DYRK4: variants seen among roughly 807,000 people sequenced by gnomAD.
DYRK4 encodes the protein dual specificity tyrosine-phosphorylation-regulated kinase 4.
In DYRK4, 64 loss-of-function variants were observed where a neutral mutation model predicts 68.3. The ratio of observed to expected loss-of-function variants is 0.94; its 90% CI spans 0.77 to 1.15. The LOEUF (loss-of-function observed/expected upper bound fraction) is 1.15, where lower values mean the gene tolerates loss of function less well. DYRK4 is among the 50% of genes most tolerant of loss of function. The pLI is 0.00. For synonymous variants in DYRK4, 274 were observed against 289.9 expected (o/e 0.95, Z 0.56); for missense variants, 740 against 764.7 (o/e 0.97, Z 0.38).
intron 3 of DYRK4, among the ~76,000 whole-genome samples, chr12:4,589,622 C>T (rs1591796411): frequency 6.6e-6 from 1 of 152,336 alleles, no homozygotes; most frequent in East Asian, 1.9e-4. Flanking sequence ...GCATAATGAT[C>T]TCTAGTTCTA....
At chr12:4,590,055 A>G in intron 3 of DYRK4, 1 of 979,872 alleles carries the variant, frequency 1.0e-6, no homozygotes, top group Non-Finnish European at 1.3e-6. Flanking sequence ...GTGATGAAAT[A>G]ATTGAGGTTT....
chr12:4,607,095 G>C (rs1407989047), intron 11 of DYRK4, among the ~76,000 whole-genome samples: 1 of 152,218 alleles, frequency 6.6e-6, no homozygotes, highest in East Asian at 1.9e-4. Context: ...TGGTGCTGAT[G>C]TTTGTGTAGA....
intron 11 of DYRK4, among the ~76,000 whole-genome samples, chr12:4,605,505 C>T (rs1945134631): frequency 6.6e-6 from 1 of 151,908 alleles, no homozygotes; most frequent in Admixed American, 6.6e-5. Context: ...TTTTCTACTT[C>T]CTCTATGGAA....
intron 8 of DYRK4, among the ~76,000 whole-genome samples, chr12:4,597,396 C>T (rs969429355): frequency 6.6e-6 from 1 of 152,222 alleles, no homozygotes; most frequent in African/African-American, 2.4e-5. Flanking sequence ...TAGCTCACTG[C>T]CCCCATGACA....
chr12:4,613,560 C>G lies in DYRK4; in HGVS notation c.1712C>G (p.Thr571Arg), dbSNP rs749869548. 6.2e-7 allele frequency: 1 copy of G among 1,613,964 alleles called. No homozygotes were observed. The highest frequency in any genetic ancestry group is 1.3e-5 in the African/African-American group (1 of 74,930). Reference protein sequence around the residue: ...ETTEKTKDSPTKHVQHSGDQQ... With the variant: ...ETTEKTKDSPRKHVQHSGDQQ... ...ACAGAGAAAACAAAAGATAGCCCCA[C>G]GAAGCATGTTCAGCATTCAGGTGAT... The change falls in exon 15 of 15, where the codon ACG becomes AGG. Residue 571 changes from threonine (T) to arginine (R), a missense_variant. Physicochemically the swap from Thr to Arg is moderately conservative, Grantham distance 71. Coordinates refer to ENST00000543431, the MANE Select transcript of DYRK4 (RefSeq NM_001394779.1). This position sits in a 1 kb window ranked among gnomAD's most constrained non-coding sequence, Gnocchi z 4.0.
intron 11 of DYRK4, among the ~76,000 whole-genome samples, chr12:4,606,096 A>C (rs1945146606): frequency 6.6e-6 from 1 of 152,244 alleles, no homozygotes; most frequent in African/African-American, 2.4e-5. Context: ...ACTATCTCCT[A>C]ATAGCAAGGC....
intron 10 of DYRK4, chr12:4,602,473 A>C (rs1945092523): frequency 7.7e-7 from 1 of 1,297,530 alleles, no homozygotes; most frequent in East Asian, 2.3e-5. Context: ...CTTTACTTCG[A>C]TCTGAGATGG....
chr12:4,604,739 G>A, intron 10 of DYRK4, 175 bp from the exon 11 acceptor site: 1 of 328,700 alleles, frequency 3.0e-6, no homozygotes. Flanking sequence ...TTATAATCAG[G>A]TTGCTGGCGG....
At chr12:4,563,325 C>T (rs933202721) in intron 1 of DYRK4, 7 of 367,810 alleles carry the variant, frequency 1.9e-5, no homozygotes, top group Non-Finnish European at 3.7e-5. Flanking sequence ...AGCAATATGC[C>T]AGCCACTCTT....
In DYRK4 at chr12:4,562,268, T is replaced by A. The variant is rs1041726936; in HGVS notation, c.23T>A (p.Ile8Asn). The A allele has an allele frequency of 2.0e-6, 3 of 1,532,404 alleles. No homozygotes were observed. The African/African-American group carries it at 4.1e-5, about 21-fold the overall frequency. 94.9% of individuals were successfully genotyped at this position (1,532,404 alleles called of 1,614,324 possible). A position where few individuals can be genotyped will look rare whatever the true frequency, so the allele number is the denominator to read the frequency against. Residue 8 changes from isoleucine (I) to asparagine (N), a missense_variant, in exon 1 of 15, where the codon ATC becomes AAC. This residue lies in a region of DYRK4 where 70 missense variants were observed against 71.1 expected (regional missense o/e 0.98). Transcript: ENST00000543431. MQLLPPPIRTGTKTQMDA... is the reference protein window; with the variant it reads MQLLPPPNRTGTKTQMDA... The stretch of plus-strand genomic sequence containing the variant: ...CTCATGCAGCTCCTCCCGCCGCCTA[T>A]CCGCACCGGAACAAAGTAAGGGCCG...
At chr12:4,594,731 G>C (rs573506537) in intron 6 of DYRK4, among the ~76,000 whole-genome samples, 2 of 150,398 alleles carry the variant, frequency 1.3e-5, no homozygotes, top group South Asian at 4.2e-4. Flanking sequence ...TGGTGAGGGC[G>C]TTGTGGGGAA....
chr12:4,587,736 C>A (rs1944911794), intron 2 of DYRK4, among the ~76,000 whole-genome samples: 1 of 152,212 alleles, frequency 6.6e-6, no homozygotes, highest in South Asian at 2.1e-4. Context: ...TCAAGATTGA[C>A]TGTCCCAAAT....
rs987517752 is a variant in DYRK4, at chr12:4,602,914, A to C, written c.1127-2000A>C. Reference sequence around the variant, plus strand: ...TTTCAAAATAACTTTTGTAAGTATTAGTGTCTTTTAGTGGAGGAACTTCCA... The same window carrying C: ...TTTCAAAATAACTTTTGTAAGTATTCGTGTCTTTTAGTGGAGGAACTTCCA... On this transcript the variant is annotated intron_variant, in intron 10 of 14. Coordinates refer to ENST00000543431, the MANE Select transcript of DYRK4 (RefSeq NM_001394779.1). 5 of 872,852 alleles carry C rather than the reference A, an allele frequency of 5.7e-6. No individual in the cohort carries two copies. The African/African-American group carries it at 8.3e-5, about 15-fold the overall frequency. The allele number at this position is 872,852 out of a possible 1,614,324, so 54.1% of individuals were successfully genotyped here.
intron 2 of DYRK4, among the ~76,000 whole-genome samples, chr12:4,570,054 A>C (rs1221840651): frequency 1.0e-4 from 13 of 125,728 alleles, no homozygotes; most frequent in African/African-American, 4.0e-4. Context: ...AATAATAATA[A>C]TAATAATAAT....
intron 2 of DYRK4, among the ~76,000 whole-genome samples, chr12:4,583,841 C>T (rs1437606023): frequency 6.6e-6 from 1 of 152,178 alleles, no homozygotes; most frequent in Non-Finnish European, 1.5e-5. Context: ...TCCTGAGACA[C>T]GCAGCAAATC....
intron 12 of DYRK4, among the ~76,000 whole-genome samples, chr12:4,609,042 A>G (rs1379188640): frequency 6.6e-6 from 1 of 152,206 alleles, no homozygotes; most frequent in East Asian, 1.9e-4. Context: ...TGAACTCATG[A>G]GATAGCATCT....
intron 2 of DYRK4, chr12:4,581,057 G>A (rs1364790530): frequency 6.0e-6 from 2 of 334,198 alleles, no homozygotes; most frequent in African/African-American, 4.3e-5. Flanking sequence ...GCCCTAAATA[G>A]GGACCAGTCC....
chr12:4,605,642 A>G (rs1327043236), intron 11 of DYRK4, among the ~76,000 whole-genome samples: 1 of 151,028 alleles, frequency 6.6e-6, no homozygotes, highest in African/African-American at 2.4e-5. Flanking sequence ...ATTAAAATAT[A>G]TCTGGTGTGC....
rs146943742 is a variant in DYRK4, at chr12:4,586,250, T to C, written c.133-2687T>C. Among the ~76,000 whole-genome samples, 342 of 152,194 alleles carry C rather than the reference T, an allele frequency of 2.2e-3. 1 individual carries two copies. Among genetic ancestry groups the C allele is most frequent in the Non-Finnish European group, 3.6e-3 (244 of 67,994 alleles). ...ACTGATGCCCTTTCTTCTGATCTCC[T>C]GTCCCCTCTAGAGGCAGGGCCCAGG... On this transcript the variant is annotated intron_variant, in intron 2 of 14. Transcript: ENST00000543431.
Sources: gnomAD v4.1 joint callset for allele counts (sites outside exome capture counted in the v4.1 genomes callset) on GRCh38, gnomAD v4.1.1 for gene constraint, gnomAD v4.1.1 regional missense constraint, Gnocchi (gnomAD v3.1) non-coding constraint, MANE v1.5 for transcripts, NCBI Gene and HGNC (gene_info 2026-07-23, HGNC 2026-07-21) for gene names.